KIR2DL4: variants seen among roughly 807,000 people sequenced by gnomAD.
KIR2DL4 encodes the protein killer cell immunoglobulin-like receptor 2DL4.
KIR2DL4 carries 41 observed loss-of-function variants against 31.0 expected under a neutral mutation model. That is an observed-to-expected ratio of 1.32 (90% CI 1.03 to 1.72). KIR2DL4 has a LOEUF of 1.72. KIR2DL4 is among the 40% of genes most tolerant of loss of function. The probability of loss-of-function intolerance (pLI) is 0.00; values close to 1 mark genes in which losing one functional copy is unlikely to be tolerated. For missense variants in KIR2DL4, 438 were observed against 353.7 expected, an observed-to-expected ratio of 1.24 and a Z score of -1.91; for synonymous variants, 164 against 133.6, an observed-to-expected ratio of 1.23 and a Z score of -1.57.
exon 8 of KIR2DL4, chr19:54,814,140 C>A: frequency 6.2e-7 from 1 of 1,603,898 alleles, no homozygotes; most frequent in Non-Finnish European, 8.5e-7. Flanking sequence ...TAGAGCATCA[C>A]TCTTCCTCAC....
At chr19:54,813,117 T>G in intron 5 of KIR2DL4, 1 of 1,443,096 alleles carries the variant, frequency 6.9e-7, no homozygotes, top group Non-Finnish European at 9.5e-7. Flanking sequence ...ATTCCCATCT[T>G]CCTCCAGGTA....
chr19:54,805,219 C>T (rs2060440314), intron 3 of KIR2DL4, 142 bp downstream of exon 3: 4 of 797,790 alleles, frequency 5.0e-6, no homozygotes, highest in Non-Finnish European at 7.8e-6. Context: ...GGAATGGGTG[C>T]TGTGTTGGAA....
chr19:54,811,720 G>C (rs1286530167), intron 5 of KIR2DL4, among the ~76,000 whole-genome samples: 1 of 151,272 alleles, frequency 6.6e-6, no homozygotes, highest in African/African-American at 2.4e-5. Context: ...TCATGGGGAG[G>C]TAAAAACTAA....
intron 4 of KIR2DL4, among the ~76,000 whole-genome samples, chr19:54,808,601 C>G (rs2060668550): frequency 1.3e-5 from 2 of 150,430 alleles, no homozygotes; most frequent in South Asian, 4.3e-4. Flanking sequence ...CTTACTACAG[C>G]TCTGTAACAT....
intron 2 of KIR2DL4, among the ~76,000 whole-genome samples, chr19:54,804,368 G>A (rs942969021): frequency 4.6e-5 from 7 of 151,306 alleles, no homozygotes; most frequent in Non-Finnish European, 8.8e-5. Flanking sequence ...TTTCCATGAC[G>A]GTAGGGGCTG....
rs1465347817 is a variant in KIR2DL4 at position 54,814,090 on chromosome 19, T to C, written c.*290T>C. 2.5e-6 allele frequency: 4 copies of C among 1,611,584 alleles called. No homozygotes were observed. In the Admixed American group the frequency reaches 6.7e-5, roughly 27 times the overall value. On this transcript the variant is annotated 3_prime_UTR_variant, in exon 8 of 8. Transcript: ENST00000359085. ...CTCAAACCCAGCTTGCCAGCTCTAA[T>C]GTACCAGCAGCTGGAATCTGAAGGC... is the stretch of plus-strand genomic sequence containing the variant.
chr19:54,810,784 G>T (rs1167089517), intron 5 of KIR2DL4, among the ~76,000 whole-genome samples: 1 of 151,234 alleles, frequency 6.6e-6, no homozygotes, highest in Non-Finnish European at 1.5e-5. Context: ...ATCCCTACAT[G>T]ATGAATAGTG....
At chr19:54,808,185 G>A (rs1354093366) in intron 4 of KIR2DL4, among the ~76,000 whole-genome samples, 4 of 147,926 alleles carry the variant, frequency 2.7e-5, no homozygotes, top group African/African-American at 1.0e-4. Flanking sequence ...TTGCGGTGCA[G>A]AAGCTGCTTG....
intron 3 of KIR2DL4, among the ~76,000 whole-genome samples, chr19:54,805,431 T>C (rs1330881827): frequency 6.6e-6 from 1 of 150,592 alleles, no homozygotes; most frequent in Non-Finnish European, 1.5e-5. Flanking sequence ...AGAATGGGGA[T>C]TAGAGCAGCA....
exon 6 of KIR2DL4, chr19:54,813,216 C>T: frequency 6.6e-7 from 1 of 1,521,516 alleles, no homozygotes. Context: ...ATCGCTGGTG[C>T]TCCAAAAAAA....
chr19:54,810,432 T>A (rs1036525882), intron 5 of KIR2DL4, among the ~76,000 whole-genome samples: 1 of 151,412 alleles, frequency 6.6e-6, no homozygotes, highest in Non-Finnish European at 1.5e-5. Context: ...GAGCCGTATT[T>A]TAAAAGAAAT....
At position 54,807,461 on chromosome 19, in the gene KIR2DL4, G is replaced by A. The variant is rs111489311; in HGVS notation, c.655+1217G>A. Among the ~76,000 whole-genome samples, 400 of 151,292 alleles carry A rather than the reference G, an allele frequency of 2.6e-3. 15 individuals carry two copies. The highest frequency in any genetic ancestry group is 9.1e-3 in the African/African-American group (374 of 40,940). On this transcript the variant is annotated intron_variant, in intron 4 of 7. Transcript: ENST00000359085. ...TTATGCTTTTTGTTTTTTTGACATA[G>A]CGTTTCACTCTTGTTGCCCAAGCTG...
chr19:54,806,202 G>A (rs1393316406), exon 4 of KIR2DL4: 34 of 1,611,042 alleles, frequency 2.1e-5, no homozygotes, highest in East Asian at 1.1e-4. Flanking sequence ...ATCTCCCTAC[G>A]AGTGGTCAGA....
intron 6 of KIR2DL4, 75 bp from the exon 6 acceptor site, chr19:54,813,615 G>A: frequency 3.4e-6 from 5 of 1,469,142 alleles, no homozygotes; most frequent in Non-Finnish European, 4.7e-6. Context: ...CTCCCCCTGT[G>A]TGTTGGTATC....
intron 3 of KIR2DL4, 59 bp from the exon 4 acceptor site, chr19:54,805,892 G>A: frequency 1.1e-5 from 16 of 1,458,500 alleles, no homozygotes; most frequent in East Asian, 4.5e-5. Flanking sequence ...CAGCTCAGGT[G>A]GGAGGGGAGC....
At chr19:54,812,552 G>A (rs2060924775) in intron 5 of KIR2DL4, among the ~76,000 whole-genome samples, 1 of 150,194 alleles carries the variant, frequency 6.7e-6, no homozygotes, top group Non-Finnish European at 1.5e-5. Flanking sequence ...CTAAAGAAAA[G>A]AGATGTGTTT....
At chr19:54,813,403 C>G in intron 6 of KIR2DL4, 1 of 939,444 alleles carries the variant, frequency 1.1e-6, no homozygotes, top group Non-Finnish European at 1.6e-6. Context: ...AGCTCACAGA[C>G]CGTTGCCTGA....
In KIR2DL4 at chr19:54,805,807, C is replaced by T. The variant is rs548580350; in HGVS notation, c.362-144C>T. The stretch of plus-strand genomic sequence containing the variant: ...AGGCTGGAACCACATAGGGAGGGAT[C>T]GACAGGAAGAGTTGGGGGTGGAGGG... On this transcript the variant is annotated intron_variant, in intron 3 of 7. Transcript: ENST00000359085. The T allele has an allele frequency of 6.3e-5, 51 of 803,192 alleles. 3 individuals are homozygous for T. In the African/African-American group the frequency reaches 7.5e-4, roughly 12 times the overall value. The allele number at this position is 803,192 out of a possible 1,614,324, so 49.8% of individuals were successfully genotyped here.
intron 5 of KIR2DL4, among the ~76,000 whole-genome samples, chr19:54,811,433 A>G (rs2147962009): frequency 6.6e-6 from 1 of 151,458 alleles, no homozygotes; most frequent in South Asian, 2.1e-4. Context: ...AATATAATAT[A>G]ACATACACGA....
Sources: gnomAD v4.1 joint callset for allele counts (sites outside exome capture counted in the v4.1 genomes callset) on GRCh38, gnomAD v4.1.1 for gene constraint, MANE v1.5 for transcripts, NCBI Gene and HGNC (gene_info 2026-07-23, HGNC 2026-07-21) for gene names.